The following SPATA6L variants were observed in gnomAD, a reference collection of about 807,000 sequenced individuals.
SPATA6L encodes the protein spermatogenesis associated 6-like protein.
Under a neutral mutation model 49.2 loss-of-function variants are expected in SPATA6L, and 68 were observed. The observed-to-expected ratio is 1.38, with a 90% CI of 1.14 to 1.69. SPATA6L has a LOEUF of 1.69. Among genes scored for constraint, SPATA6L ranks in the 40% most tolerant of loss-of-function variants. The pLI is 0.00. For synonymous variants in SPATA6L, 198 were observed against 165.7 expected (o/e 1.19, Z -1.50); for missense variants, 668 against 464.3 (o/e 1.44, Z -4.03).
At chr9:4,661,748 T>TGCCGAC in intron 2 of SPATA6L, 151 bp downstream of exon 2, 1 of 283,542 alleles carries the variant, frequency 3.5e-6, no homozygotes, top group Non-Finnish European at 5.5e-6. Flanking sequence ...AAAGCAAGTG[T>TGCCGAC]TCCGACTGCG....
downstream of SPATA6L, chr9:4,596,424 A>G (rs919770438): frequency 6.6e-6 from 1 of 152,218 alleles, no homozygotes; most frequent in Non-Finnish European, 1.5e-5. Flanking sequence ...GCTTCCAGCA[A>G]TAACACCTAC....
At chr9:4,660,964 A>G (rs186478162) in intron 2 of SPATA6L, among the ~76,000 whole-genome samples, 2 of 152,132 alleles carry the variant, frequency 1.3e-5, no homozygotes, top group Non-Finnish European at 2.9e-5. Context: ...TCTCACTGAT[A>G]GGTGGGAATT....
chr9:4,658,507 T>C (rs892501279), intron 2 of SPATA6L, among the ~76,000 whole-genome samples: 2 of 152,104 alleles, frequency 1.3e-5, no homozygotes, highest in Non-Finnish European at 2.9e-5. Flanking sequence ...CTGAATTTTA[T>C]AAAATGAAAA....
Position 4,662,808 on chromosome 9 carries a change from C to G in SPATA6L, c.40-772G>C. On this transcript the variant is annotated intron_variant, in intron 1 of 11. Transcript: ENST00000682582. The surrounding 1 kb of genome is among the most constrained non-coding windows in gnomAD (Gnocchi z 4.9). ...GCTGGAGATCTCGGGACACGGCATC[C>G]CCTGGCTGCTGGGCACCCTCTACTG... 6.2e-7 allele frequency: 1 copy of G among 1,605,150 alleles called. No homozygotes were observed. Among genetic ancestry groups the G allele is most frequent in the Non-Finnish European group, 8.5e-7 (1 of 1,179,950 alleles).
Position 4,662,553 on chromosome 9 carries a change from G to T in SPATA6L, c.40-517C>A. On this transcript the variant is annotated intron_variant, in intron 1 of 11. Coordinates refer to ENST00000682582, the MANE Select transcript of SPATA6L (RefSeq NM_001353486.2). This position sits in a 1 kb window ranked among gnomAD's most constrained non-coding sequence, Gnocchi z 4.9. ...GGACCCCACCTGCGCCCGGCTCCGT[G>T]CATCGGAGAGCCCAGTTCACCGCCG... 6.3e-7 allele frequency: 1 copy of T among 1,577,884 alleles called. No individual in the cohort carries two copies. Among genetic ancestry groups the T allele is most frequent in the South Asian group, 1.1e-5 (1 of 88,112 alleles).
intron 9 of SPATA6L, among the ~76,000 whole-genome samples, chr9:4,606,079 C>A (rs1031883835): frequency 7.2e-5 from 11 of 152,116 alleles, no homozygotes; most frequent in African/African-American, 2.4e-4. Flanking sequence ...GGGTCACTCC[C>A]ACCCAAATAC....
intron 3 of SPATA6L, among the ~76,000 whole-genome samples, chr9:4,654,595 T>C (rs7854700): frequency 0.01 from 1,546 of 152,246 alleles, 23 homozygotes; most frequent in African/African-American, 0.035. Context: ...CACATGGGCT[T>C]GGAGAATGAG....
At chr9:4,620,094 G>A (rs942673792) in intron 7 of SPATA6L, among the ~76,000 whole-genome samples, 1 of 152,044 alleles carries the variant, frequency 6.6e-6, no homozygotes, top group Non-Finnish European at 1.5e-5. Context: ...ATACATATGT[G>A]TGTGCCACCT....
chr9:4,648,937 C>T (rs1259074321), intron 3 of SPATA6L, among the ~76,000 whole-genome samples: 3 of 152,038 alleles, frequency 2.0e-5, no homozygotes, highest in Non-Finnish European at 4.4e-5. Flanking sequence ...TTTGATTTTC[C>T]ATTCCTGAGT....
In SPATA6L at chr9:4,656,329, C is replaced by T. The variant is rs148570133; in HGVS notation, c.178-240G>A. Among the ~76,000 whole-genome samples the T allele has an allele frequency of 1.4e-4, 21 of 152,136 alleles. No individual in the cohort carries two copies. The East Asian group carries it at 3.9e-3, about 28-fold the overall frequency. On this transcript the variant is annotated intron_variant, in intron 2 of 11. Transcript: ENST00000682582. ...TGGCTCATGCCTGTATTCCCAGCTACTTGTGGGGCTGAGGCTGGAGGGTCA... is the reference window on the plus strand; with the variant it reads ...TGGCTCATGCCTGTATTCCCAGCTATTTGTGGGGCTGAGGCTGGAGGGTCA...
intron 2 of SPATA6L, among the ~76,000 whole-genome samples, chr9:4,658,038 A>G (rs113039384): frequency 2.3e-4 from 35 of 152,198 alleles, no homozygotes; most frequent in Non-Finnish European, 8.8e-5. Flanking sequence ...GAACTATACC[A>G]GAAACTAGGA....
At position 4,662,752 on chromosome 9, in the gene SPATA6L, C is replaced by T; in HGVS notation, c.40-716G>A. ...GGGGTGTGCGCGGGAGAGAGCTCGT[C>T]GTGGGGCAGCGTGCGACCCCTTATG... On this transcript the variant is annotated intron_variant, in intron 1 of 11. Coordinates refer to ENST00000682582, the MANE Select transcript of SPATA6L (RefSeq NM_001353486.2). This position sits in a 1 kb window ranked among gnomAD's most constrained non-coding sequence, Gnocchi z 4.9. The T allele has an allele frequency of 6.2e-7, 1 of 1,603,956 alleles. No homozygotes were observed. The highest frequency in any genetic ancestry group is 8.5e-7 in the Non-Finnish European group (1 of 1,179,922).
chr9:4,652,912 T>C (rs1042382822), intron 3 of SPATA6L, among the ~76,000 whole-genome samples: 1 of 151,560 alleles, frequency 6.6e-6, no homozygotes, highest in South Asian at 2.1e-4. Context: ...CCCACATTCA[T>C]GTTTCAAAAA....
rs1174557772 is a variant in SPATA6L, at chr9:4,662,724, C to T, written c.40-688G>A. ...CATCGACCTGTGGCTGTCCAAGAAG[C>T]TGGGGGTGTGCGCGGGAGAGAGCTC... On this transcript the variant is annotated intron_variant, in intron 1 of 11. Coordinates refer to ENST00000682582, the MANE Select transcript of SPATA6L (RefSeq NM_001353486.2). The surrounding 1 kb of genome is among the most constrained non-coding windows in gnomAD (Gnocchi z 4.9). The T allele has an allele frequency of 1.9e-6, 3 of 1,602,638 alleles. No individual in the cohort carries two copies. The highest frequency in any genetic ancestry group is 2.2e-5 in the East Asian group (1 of 44,876).
rs141287617 is a variant in SPATA6L, at chr9:4,638,991, C to T, written c.227-3592G>A. On this transcript the variant is annotated intron_variant, in intron 3 of 11. Transcript: ENST00000682582. ...TTGGGTTCAAATCCCTGCTCCACCACTTACCAACTATGTGATCTGGGGCAA... is the reference window on the plus strand; with the variant it reads ...TTGGGTTCAAATCCCTGCTCCACCATTTACCAACTATGTGATCTGGGGCAA... 4.6e-5 allele frequency among the ~76,000 whole-genome samples: 7 copies of T among 152,238 alleles called. No homozygotes were observed. The East Asian group carries it at 1.4e-3, about 29-fold the overall frequency.
chr9:4,644,644 C>A (rs1026071356), intron 3 of SPATA6L, among the ~76,000 whole-genome samples: 3 of 150,346 alleles, frequency 2.0e-5, no homozygotes, highest in Non-Finnish European at 3.0e-5. Flanking sequence ...GGAGAATTTT[C>A]TGAGTTTTCA....
chr9:4,654,357 A>G (rs1326384738), intron 3 of SPATA6L, among the ~76,000 whole-genome samples: 1 of 152,138 alleles, frequency 6.6e-6, no homozygotes, highest in African/African-American at 2.4e-5. Flanking sequence ...CCGCTGCTCA[A>G]ACCTCTAGAG....
At chr9:4,646,502 G>A (rs752136640) in intron 3 of SPATA6L, 1 of 1,515,720 alleles carries the variant, frequency 6.6e-7, no homozygotes, top group Non-Finnish European at 8.8e-7. Context: ...GGAACTAGCT[G>A]TATTAATTCA....
Position 4,605,398 on chromosome 9 carries a change from C to T in SPATA6L, c.1038G>A (p.Glu346=), listed in dbSNP as rs769548464. 1 of 1,614,174 alleles carries T rather than the reference C, an allele frequency of 6.2e-7. No individual in the cohort carries two copies. The highest frequency in any genetic ancestry group is 1.1e-5 in the South Asian group (1 of 91,078). Reference sequence around the variant, plus strand: ...GGGATGTCAGAAGACTGCATACCCTCTCATGGATATTCTTCCATGTGGACT... The same window carrying T: ...GGGATGTCAGAAGACTGCATACCCTTTCATGGATATTCTTCCATGTGGACT... ...GSQSTWKNIH[E]RVCSLLTSHR... is the part of the protein sequence containing the mutation. The change falls in exon 10 of 12, where the codon GAG becomes GAA. Residue 346 remains glutamate (E), a synonymous_variant. Transcript: ENST00000682582.
Sources: allele counts gnomAD v4.1 joint callset (sites outside exome capture counted in the v4.1 genomes callset), GRCh38; gene constraint gnomAD v4.1.1; non-coding constraint Gnocchi (gnomAD v3.1); transcripts MANE v1.5; gene names NCBI Gene and HGNC (gene_info 2026-07-23, HGNC 2026-07-21).